CDKAL1: variants seen among roughly 807,000 people sequenced by gnomAD.
CDKAL1 encodes CDKAL1 threonylcarbamoyladenosine tRNA methylthiotransferase, also known as threonylcarbamoyladenosine tRNA methylthiotransferase.
A neutral mutation model predicts 68.2 loss-of-function variants in CDKAL1; 32 were observed. The ratio of observed to expected loss-of-function variants is 0.47; its 90% CI spans 0.35 to 0.63. The LOEUF is 0.63. Ranked by LOEUF, CDKAL1 falls within the 30% of genes least tolerant of loss-of-function variation. The probability of loss-of-function intolerance (pLI) is 0.00; values close to 1 mark genes in which losing one functional copy is unlikely to be tolerated. For missense variants in CDKAL1, 606 were observed against 696.7 expected (o/e 0.87, Z 1.47); for synonymous variants, 234 against 244.3 (o/e 0.96, Z 0.39).
chr6:20,942,025 T>C (rs899480073), intron 9 of CDKAL1, among the ~76,000 whole-genome samples: 3 of 152,192 alleles, frequency 2.0e-5, no homozygotes, highest in Non-Finnish European at 4.4e-5. Flanking sequence ...TTAATAATGA[T>C]CATTGTACTT....
intron 9 of CDKAL1, among the ~76,000 whole-genome samples, chr6:20,852,309 C>T (rs2150506386): frequency 6.6e-6 from 1 of 152,208 alleles, no homozygotes; most frequent in South Asian, 2.1e-4. Flanking sequence ...AGAAAGTATA[C>T]ACTGTACCAA....
chr6:20,782,303 C>A (rs1187040218), intron 8 of CDKAL1, among the ~76,000 whole-genome samples: 1 of 152,158 alleles, frequency 6.6e-6, no homozygotes, highest in Non-Finnish European at 1.5e-5. Context: ...TGTTGTAGAC[C>A]AGCATCTGGC....
intron 7 of CDKAL1, among the ~76,000 whole-genome samples, chr6:20,773,997 G>T (rs1305803743): frequency 4.6e-5 from 7 of 152,100 alleles, no homozygotes; most frequent in Admixed American, 3.9e-4. Flanking sequence ...AGTCTTTTCA[G>T]TGTGTACTTA....
chr6:20,730,427 G>C (rs150932296), intron 5 of CDKAL1, among the ~76,000 whole-genome samples: 2,304 of 139,128 alleles, frequency 0.017, 48 homozygotes, highest in African/African-American at 0.059. Context: ...GAAAAGAAAG[G>C]AAGAAAGAAA....
intron 2 of CDKAL1, among the ~76,000 whole-genome samples, chr6:20,540,091 T>TTTTTTTTTTTTG (rs1561909967): frequency 1.3e-5 from 2 of 150,378 alleles, no homozygotes; most frequent in Non-Finnish European, 1.5e-5. Context: ...TTTTTTTTTT[T>TTTTTTTTTTTTG]GAGACAGAGT....
intron 13 of CDKAL1, among the ~76,000 whole-genome samples, chr6:21,197,301 T>G (rs1357474362): frequency 6.6e-6 from 1 of 152,218 alleles, no homozygotes; most frequent in Non-Finnish European, 1.5e-5. Flanking sequence ...TCTTTGCTAT[T>G]AAAAATGGGT....
chr6:20,940,343 A>G (rs576045888), intron 9 of CDKAL1, among the ~76,000 whole-genome samples: 64 of 152,312 alleles, frequency 4.2e-4, no homozygotes, highest in African/African-American at 1.5e-3. Flanking sequence ...TATTATGTGA[A>G]TTAAAATTCA....
At chr6:20,578,164 T>C (rs1255422137) in intron 4 of CDKAL1, among the ~76,000 whole-genome samples, 2 of 152,194 alleles carry the variant, frequency 1.3e-5, no homozygotes, top group Non-Finnish European at 2.9e-5. Context: ...TGCATTTGCT[T>C]TTTAAATTTT....
intron 11 of CDKAL1, among the ~76,000 whole-genome samples, chr6:21,024,483 T>TA (rs537715936): frequency 2.2e-4 from 32 of 147,036 alleles, no homozygotes; most frequent in South Asian, 4.3e-4. Context: ...CCCCATCTCT[T>TA]AAAAAAAAAA....
intron 4 of CDKAL1, among the ~76,000 whole-genome samples, chr6:20,640,872 A>G (rs1281695246): frequency 1.3e-5 from 2 of 152,202 alleles, no homozygotes; most frequent in African/African-American, 2.4e-5. Context: ...AATAAAAATG[A>G]AGGTCAACGT....
At chr6:21,185,387 A>G (rs1052872026) in intron 13 of CDKAL1, among the ~76,000 whole-genome samples, 1 of 152,218 alleles carries the variant, frequency 6.6e-6, no homozygotes, top group Non-Finnish European at 1.5e-5. Flanking sequence ...GAAAAAGTAC[A>G]TAGGATTGCT....
chr6:20,943,346 A>AG (rs1187678442), intron 9 of CDKAL1, among the ~76,000 whole-genome samples: 644 of 48,646 alleles, frequency 0.013, 5 homozygotes, highest in African/African-American at 0.051. Context: ...AAAAAAAAAG[A>AG]AAAAGAAAAA....
chr6:20,555,021 T>C (rs1016322176), intron 4 of CDKAL1, among the ~76,000 whole-genome samples: 3 of 152,242 alleles, frequency 2.0e-5, no homozygotes, highest in Admixed American at 6.5e-5. Flanking sequence ...TAAAAATTGC[T>C]GAGCTGTTAA....
chr6:20,815,600 G>A (rs1777010416), intron 8 of CDKAL1, among the ~76,000 whole-genome samples: 1 of 148,306 alleles, frequency 6.7e-6, no homozygotes, highest in East Asian at 2.0e-4. Flanking sequence ...TTCCTGATTA[G>A]TTTAACTGAC....
intron 12 of CDKAL1, among the ~76,000 whole-genome samples, chr6:21,105,586 A>G (rs1312386462): frequency 6.6e-6 from 1 of 152,216 alleles, no homozygotes; most frequent in East Asian, 1.9e-4. Context: ...GAGATGCAGA[A>G]GATTATGTAG....
chr6:20,891,242 T>A (rs1172848614), intron 9 of CDKAL1, among the ~76,000 whole-genome samples: 6 of 152,184 alleles, frequency 3.9e-5, no homozygotes, highest in Admixed American at 3.9e-4. Flanking sequence ...CATGGCCCAG[T>A]GTCTCAGTCC....
chr6:20,991,181 A>C (rs913292454), intron 10 of CDKAL1, among the ~76,000 whole-genome samples: 10 of 152,254 alleles, frequency 6.6e-5, no homozygotes, highest in Non-Finnish European at 1.2e-4. Flanking sequence ...GAAATAAGCC[A>C]GATACAAAAG....
chr6:21,210,695 G>A (rs969002059), intron 15 of CDKAL1, among the ~76,000 whole-genome samples: 1 of 152,222 alleles, frequency 6.6e-6, no homozygotes, highest in Non-Finnish European at 1.5e-5. Context: ...GAAGTTGGAA[G>A]ATAGGAGATC....
At chr6:21,190,493 G>A (rs139821990) in intron 13 of CDKAL1, among the ~76,000 whole-genome samples, 3,085 of 151,826 alleles carry the variant, frequency 0.02, 42 homozygotes, top group Non-Finnish European at 0.03. Flanking sequence ...TCAGCCTCCC[G>A]AGTAGCTGGG....
Sources: allele counts gnomAD v4.1 joint callset (sites outside exome capture counted in the v4.1 genomes callset), GRCh38; gene constraint gnomAD v4.1.1; transcripts MANE v1.5; gene names NCBI Gene and HGNC (gene_info 2026-07-23, HGNC 2026-07-21).